The following LMBR1 variants were observed in gnomAD, a reference collection of about 807,000 sequenced individuals.
LMBR1 encodes the protein limb region 1 protein homolog.
LMBR1 carries 52 observed loss-of-function variants against 73.9 expected under a neutral mutation model. The observed-to-expected ratio is 0.70, with a 90% CI of 0.56 to 0.89. The LOEUF (loss-of-function observed/expected upper bound fraction) is 0.89, where lower values mean the gene tolerates loss of function less well. Among genes scored for constraint, LMBR1 ranks in the 40% least tolerant of loss-of-function variants. LMBR1 has a pLI of 0.00. For synonymous variants in LMBR1, 215 were observed against 209.4 expected, an observed-to-expected ratio of 1.03 and a Z score of -0.23; for missense variants, 539 against 579.8, an observed-to-expected ratio of 0.93 and a Z score of 0.72.
At chr7:156,849,532 A>G (rs1054098213) in intron 1 of LMBR1, among the ~76,000 whole-genome samples, 1 of 152,226 alleles carries the variant, frequency 6.6e-6, no homozygotes, top group Non-Finnish European at 1.5e-5. Flanking sequence ...ATGAAAAGTC[A>G]TGGAGGAAAC....
At chr7:156,755,366 A>G (rs1451439367) in intron 9 of LMBR1, among the ~76,000 whole-genome samples, 1 of 152,238 alleles carries the variant, frequency 6.6e-6, no homozygotes, top group Non-Finnish European at 1.5e-5. Flanking sequence ...TGTTTTGATT[A>G]AAGTCAATTC....
At chr7:156,736,609 ATTCCCAC>A in intron 9 of LMBR1, 1 of 457,068 alleles carries the variant, frequency 2.2e-6, no homozygotes, top group Non-Finnish European at 4.4e-6. Flanking sequence ...CGCACAAAGC[ATTCCCAC>A]TGTGGCAGGT....
At chr7:156,854,368 A>G (rs1013371517) in intron 1 of LMBR1, among the ~76,000 whole-genome samples, 8 of 152,216 alleles carry the variant, frequency 5.3e-5, no homozygotes, top group African/African-American at 1.9e-4. Flanking sequence ...GGACTCCCAC[A>G]CTTTTTTAAA....
chr7:156,774,121 A>G (rs559797827), intron 5 of LMBR1, among the ~76,000 whole-genome samples: 1 of 152,332 alleles, frequency 6.6e-6, no homozygotes, highest in South Asian at 2.1e-4. Context: ...AAAATGCAAC[A>G]ACACTAATCA....
chr7:156,786,810 T>C (rs1053745936), intron 5 of LMBR1, among the ~76,000 whole-genome samples: 4 of 152,224 alleles, frequency 2.6e-5, no homozygotes, highest in Admixed American at 6.5e-5. Context: ...GTCAAACATA[T>C]ATATTATGAA....
intron 4 of LMBR1, among the ~76,000 whole-genome samples, chr7:156,816,696 G>C (rs534180747): frequency 1.3e-5 from 2 of 152,096 alleles, no homozygotes; most frequent in Non-Finnish European, 2.9e-5. Flanking sequence ...ACTATGAGAA[G>C]AACATCTAAT....
At chr7:156,733,461 G>T (rs1817258766) in intron 10 of LMBR1, among the ~76,000 whole-genome samples, 1 of 151,640 alleles carries the variant, frequency 6.6e-6, no homozygotes, top group South Asian at 2.1e-4. Flanking sequence ...TACAAAACAG[G>T]CCCAAACAGG....
chr7:156,752,946 G>C (rs774768920), intron 9 of LMBR1, among the ~76,000 whole-genome samples: 7 of 151,160 alleles, frequency 4.6e-5, no homozygotes, highest in Non-Finnish European at 1.0e-4. Flanking sequence ...ACTGTGCAAG[G>C]AAGTAGGGGG....
downstream of LMBR1, among the ~76,000 whole-genome samples, chr7:156,675,139 C>T (rs1398134994): frequency 6.6e-6 from 1 of 152,080 alleles, no homozygotes; most frequent in African/African-American, 2.4e-5. Context: ...AGCGGCGACC[C>T]GAAGGGGCAG....
At chr7:156,816,755 A>G (rs1833978357) in intron 4 of LMBR1, among the ~76,000 whole-genome samples, 1 of 152,202 alleles carries the variant, frequency 6.6e-6, no homozygotes, top group South Asian at 2.1e-4. Context: ...TAGTAATTAC[A>G]TTCTTGGCAA....
chr7:156,815,100 G>A (rs944865309), intron 4 of LMBR1, among the ~76,000 whole-genome samples: 3 of 147,596 alleles, frequency 2.0e-5, no homozygotes, highest in African/African-American at 7.5e-5. Context: ...AGGTTGTGGT[G>A]AGCCAAGATC....
chr7:156,866,893 C>A (rs905178502), intron 1 of LMBR1, among the ~76,000 whole-genome samples: 1 of 152,168 alleles, frequency 6.6e-6, no homozygotes, highest in African/African-American at 2.4e-5. Context: ...TGAGCCACTG[C>A]GCCCAGCCTC....
chr7:156,804,984 G>A lies in LMBR1; in HGVS notation c.320-8492C>T, dbSNP rs535387783. 1.1e-4 allele frequency among the ~76,000 whole-genome samples: 17 copies of A among 151,952 alleles called. 1 individual carries two copies. In the South Asian group the frequency reaches 2.3e-3, roughly 20 times the overall value. Reference sequence around the variant, plus strand: ...TAGTTTTAGGATTTACATTTAAGTCGATGATCCCTTGAGTTACAGTTTGCG... The same window carrying A: ...TAGTTTTAGGATTTACATTTAAGTCAATGATCCCTTGAGTTACAGTTTGCG... On this transcript the variant is annotated intron_variant, in intron 4 of 16. Transcript: ENST00000353442.
intron 15 of LMBR1, among the ~76,000 whole-genome samples, chr7:156,702,025 T>C (rs1809855727): frequency 6.6e-6 from 1 of 152,236 alleles, no homozygotes; most frequent in Non-Finnish European, 1.5e-5. Context: ...ATCTAGTCTA[T>C]CACAGATGGG....
intron 12 of LMBR1, 97 bp from the exon 13 acceptor site, chr7:156,725,934 G>T (rs1280368932): frequency 3.4e-6 from 3 of 875,598 alleles, no homozygotes; most frequent in Non-Finnish European, 5.4e-6. Context: ...TTGAAATTAT[G>T]AATGTTTACT....
At chr7:156,843,260 CA>C (rs367553432) in intron 1 of LMBR1, among the ~76,000 whole-genome samples, 101 of 152,284 alleles carry the variant, frequency 6.6e-4, no homozygotes, top group African/African-American at 2.3e-3. Context: ...ATTTCAACAT[CA>C]ATCCCAAGGA....
intron 1 of LMBR1, among the ~76,000 whole-genome samples, chr7:156,887,297 T>C (rs1802072840): frequency 6.6e-6 from 1 of 152,080 alleles, no homozygotes; most frequent in African/African-American, 2.4e-5. Context: ...ACCCCGTCTC[T>C]ACTAAAAGTA....
chr7:156,825,757 C>A (rs1203589425), intron 4 of LMBR1, among the ~76,000 whole-genome samples: 2 of 152,118 alleles, frequency 1.3e-5, no homozygotes, highest in African/African-American at 4.8e-5. Context: ...AAGACAATTA[C>A]TTTACATACA....
rs1226693514 is a variant in LMBR1, at chr7:156,725,474, T to G, written c.1119A>C (p.Gly373=). 6 of 1,610,788 alleles carry G rather than the reference T, an allele frequency of 3.7e-6. No individual in the cohort carries two copies. In the East Asian group the frequency reaches 8.9e-5, roughly 24 times the overall value. Residue 373 remains glycine (G), a synonymous_variant, in exon 14 of 17, where the codon GGA becomes GGC. Transcript: ENST00000353442. The part of the protein sequence containing the change: ...VVGFYSLRFF[G]NFTPKKDDTT... ...TGTCATCTTTCTTGGGAGTAAAGTT[T>G]CCAAAAAATCGAAGGCTATAGAAGC...
Sources: allele counts gnomAD v4.1 joint callset (sites outside exome capture counted in the v4.1 genomes callset), GRCh38; gene constraint gnomAD v4.1.1; transcripts MANE v1.5; gene names NCBI Gene and HGNC (gene_info 2026-07-23, HGNC 2026-07-21).